The following ZNF708 variants were observed in gnomAD, a reference collection of about 807,000 sequenced individuals.
ZNF708 encodes ZNF15, ZNF15L1.
ZNF708 carries 44 observed loss-of-function variants against 47.0 expected under a neutral mutation model. That is an observed-to-expected ratio of 0.94 (90% confidence interval 0.74 to 1.20). The LOEUF is 1.20. Among genes scored for constraint, ZNF708 ranks in the 50% most tolerant of loss-of-function variants. The pLI is 0.00. For synonymous variants in ZNF708, 184 were observed against 218.5 expected (o/e 0.84, Z 1.39); for missense variants, 557 against 656.0 (o/e 0.85, Z 1.65).
At chr19:21,306,534 C>T (rs1347609359) in intron 3 of ZNF708, among the ~76,000 whole-genome samples, 1 of 151,914 alleles carries the variant, frequency 6.6e-6, no homozygotes, top group African/African-American at 2.4e-5. Context: ...CACCTCACAC[C>T]CATTACAATG....
chr19:21,301,815 C>T (rs1972665914), intron 3 of ZNF708, among the ~76,000 whole-genome samples: 1 of 146,080 alleles, frequency 6.8e-6, no homozygotes, highest in South Asian at 2.3e-4. Context: ...AAAGAAAAAC[C>T]TAAGAACTTT....
rs550605952 is a variant in ZNF708 at position 21,291,613 on chromosome 19, T to G, written c.*1661A>C. ...CGGGCGCTGTGGCTTAAGCCTGTAA[T>G]CACAGCACTTTGGGAAGCCAAGCTG... On this transcript the variant is annotated 3_prime_UTR_variant, in exon 4 of 4. Transcript: ENST00000356929. 6.6e-6 allele frequency: 1 copy of G among 152,224 alleles called. No individual in the cohort carries two copies. The highest frequency in any genetic ancestry group is 1.5e-5 in the Non-Finnish European group (1 of 68,028). 9.4% of individuals were successfully genotyped at this position (152,224 alleles called of 1,614,324 possible).
chr19:21,309,031 T>C (rs1972844162), intron 3 of ZNF708, among the ~76,000 whole-genome samples: 1 of 152,200 alleles, frequency 6.6e-6, no homozygotes, highest in Non-Finnish European at 1.5e-5. Flanking sequence ...TTTAGCTCAC[T>C]GTAAACTTGA....
intron 3 of ZNF708, chr19:21,306,920 G>C (rs1972776455): frequency 6.6e-6 from 1 of 150,716 alleles, no homozygotes; most frequent in Non-Finnish European, 1.5e-5. Flanking sequence ...CTCCAGTCTG[G>C]GCAATAACAG....
intron 1 of ZNF708, 42 bp from the exon 2 acceptor site, chr19:21,310,669 T>G (rs368593355): frequency 7.2e-7 from 1 of 1,390,034 alleles, no homozygotes; most frequent in Non-Finnish European, 9.4e-7. Flanking sequence ...CAAGTGGTTA[T>G]GGACAGAATT....
intron 1 of ZNF708, among the ~76,000 whole-genome samples, chr19:21,314,956 T>A (rs1244107968): frequency 6.6e-6 from 1 of 152,124 alleles, no homozygotes; most frequent in Non-Finnish European, 1.5e-5. Context: ...GAGAGAGTCA[T>A]GCTGATTCTA....
chr19:21,321,530 C>A (rs760264902), intron 1 of ZNF708, among the ~76,000 whole-genome samples: 5 of 146,706 alleles, frequency 3.4e-5, no homozygotes, highest in Non-Finnish European at 7.5e-5. Flanking sequence ...TGCAGTGAGC[C>A]AAGATCATGC....
intron 3 of ZNF708, among the ~76,000 whole-genome samples, chr19:21,304,816 C>T (rs144869396): frequency 3.9e-4 from 60 of 152,156 alleles, no homozygotes; most frequent in African/African-American, 1.2e-3. Flanking sequence ...GAGGTTGCAG[C>T]GAGCCAAAAT....
At chr19:21,324,724 T>C (rs1973222216) in intron 1 of ZNF708, among the ~76,000 whole-genome samples, 1 of 152,168 alleles carries the variant, frequency 6.6e-6, no homozygotes, top group Non-Finnish European at 1.5e-5. Context: ...CCATTAAAAG[T>C]CATATAGTAA....
rs78356155 is a variant in ZNF708, at chr19:21,312,639, T to C, written c.4-2012A>G. Among the ~76,000 whole-genome samples, 36 of 152,296 alleles carry C rather than the reference T, an allele frequency of 2.4e-4. No homozygotes were observed. The East Asian group carries it at 7.0e-3, about 29-fold the overall frequency. On this transcript the variant is annotated intron_variant, in intron 1 of 3. Transcript: ENST00000356929. ...AGCTTTAGTGAGCTTAAAATTCACT[T>C]GGTAATTTTGGACCCACTCTACGTA... is the stretch of plus-strand genomic sequence containing the variant.
At chr19:21,319,647 G>A (rs1281483314) in intron 1 of ZNF708, among the ~76,000 whole-genome samples, 2 of 151,852 alleles carry the variant, frequency 1.3e-5, no homozygotes, top group Admixed American at 6.6e-5. Context: ...AAAGCCACGC[G>A]TGGCTGAACA....
chr19:21,308,693 G>A (rs890643427), intron 3 of ZNF708, among the ~76,000 whole-genome samples: 4 of 152,100 alleles, frequency 2.6e-5, no homozygotes, highest in African/African-American at 9.7e-5. Flanking sequence ...TTACAGCTGT[G>A]AGCCACTGCC....
chr19:21,311,740 A>G (rs889992893), intron 1 of ZNF708, among the ~76,000 whole-genome samples: 1 of 152,284 alleles, frequency 6.6e-6, no homozygotes, highest in Non-Finnish European at 1.5e-5. Flanking sequence ...GAGATGCGGG[A>G]AAAACACGCT....
chr19:21,327,052 T>C (rs1973270440), intron 1 of ZNF708, among the ~76,000 whole-genome samples: 1 of 152,134 alleles, frequency 6.6e-6, no homozygotes, highest in Non-Finnish European at 1.5e-5. Flanking sequence ...TTCTCACAAA[T>C]AAAATACATG....
intron 1 of ZNF708, among the ~76,000 whole-genome samples, chr19:21,317,683 G>C (rs868071383): frequency 2.8e-4 from 43 of 152,304 alleles, no homozygotes; most frequent in Middle Eastern, 6.8e-3. Context: ...CTGCTTAAGA[G>C]ACTGCAAAGA....
intron 3 of ZNF708, among the ~76,000 whole-genome samples, chr19:21,295,276 A>G (rs1020158666): frequency 6.6e-6 from 1 of 152,216 alleles, no homozygotes; most frequent in Non-Finnish European, 1.5e-5. Context: ...CATACAGGAA[A>G]CAGGTTTAGC....
At position 21,304,059 on chromosome 19, in the gene ZNF708, G is replaced by C. The variant is rs567804575; in HGVS notation, c.226+5187C>G. Among the ~76,000 whole-genome samples the C allele has an allele frequency of 1.1e-3, 170 of 152,106 alleles. 1 individual carries two copies. Among genetic ancestry groups the C allele is most frequent in the African/African-American group, 3.9e-3 (162 of 41,498 alleles). ...TGTATTAATTATTTTACCTACAGAG[G>C]AATACCTGAGAGTAGATAATTTATA... On this transcript the variant is annotated intron_variant, in intron 3 of 3. Coordinates refer to ENST00000356929, the MANE Select transcript of ZNF708 (RefSeq NM_021269.3).
chr19:21,320,464 T>C (rs981774665), intron 1 of ZNF708, among the ~76,000 whole-genome samples: 5 of 151,810 alleles, frequency 3.3e-5, no homozygotes, highest in African/African-American at 1.2e-4. Flanking sequence ...GGCAAGTTGA[T>C]TGCCTGAGCT....
intron 3 of ZNF708, among the ~76,000 whole-genome samples, chr19:21,301,761 C>T (rs1025421750): frequency 3.3e-5 from 5 of 152,154 alleles, no homozygotes; most frequent in African/African-American, 1.2e-4. Context: ...CACATCACTG[C>T]ACTCCAACCT....
Sources: gnomAD v4.1 joint callset for allele counts (sites outside exome capture counted in the v4.1 genomes callset) on GRCh38, gnomAD v4.1.1 for gene constraint, MANE v1.5 for transcripts, NCBI Gene and HGNC (gene_info 2026-07-23, HGNC 2026-07-21) for gene names.